TENM2: variants seen among roughly 807,000 people sequenced by gnomAD.
TENM2 encodes the protein teneurin transmembrane protein 2, also known as teneurin-2.
Under a neutral mutation model 245.2 loss-of-function variants are expected in TENM2, and 52 were observed. The observed-to-expected ratio is 0.21, with a 90% CI of 0.17 to 0.27. The LOEUF (loss-of-function observed/expected upper bound fraction) is 0.27, where lower values mean the gene tolerates loss of function less well. TENM2 is among the 10% of genes least tolerant of loss of function. The pLI, the probability that TENM2 is intolerant of heterozygous loss-of-function variation, is 1.00. For missense variants in TENM2, 3,046 were observed against 3,666.8 expected, an observed-to-expected ratio of 0.83 and a Z score of 4.37; for synonymous variants, 1,363 against 1,438.9, an observed-to-expected ratio of 0.95 and a Z score of 1.19.
chr5:167,032,166 T>A, the TENM2 span, among the ~76,000 whole-genome samples: 3 of 152,180 alleles, frequency 2.0e-5, no homozygotes, highest in Non-Finnish European at 4.4e-5. Flanking sequence ...TATAGCTAAT[T>A]TCAAGAATTT....
intron 2 of TENM2, among the ~76,000 whole-genome samples, chr5:167,386,290 G>A (rs1561914302): frequency 6.6e-6 from 1 of 152,068 alleles, no homozygotes; most frequent in African/African-American, 2.4e-5. Flanking sequence ...TTTTTCATAT[G>A]TTTGTTGGCC....
chr5:168,139,049 A>G (rs1291504218), intron 12 of TENM2, among the ~76,000 whole-genome samples: 2 of 152,222 alleles, frequency 1.3e-5, no homozygotes, highest in Non-Finnish European at 2.9e-5. Context: ...TTAATTTTTC[A>G]ACATTGTCCT....
At chr5:168,174,608 C>G (rs1452376060) in intron 13 of TENM2, among the ~76,000 whole-genome samples, 1 of 152,176 alleles carries the variant, frequency 6.6e-6, no homozygotes, top group Non-Finnish European at 1.5e-5. Flanking sequence ...GATGCTGTTG[C>G]GTTGAGAACC....
intron 2 of TENM2, among the ~76,000 whole-genome samples, chr5:167,387,496 TGGATACC>T (rs1312540905): frequency 2.0e-5 from 3 of 152,154 alleles, no homozygotes; most frequent in Non-Finnish European, 4.4e-5. Context: ...TTTACTGATT[TGGATACC>T]CTTTATTTCT....
intron 2 of TENM2, among the ~76,000 whole-genome samples, chr5:167,746,926 C>T (rs776542730): frequency 5.9e-5 from 9 of 152,080 alleles, no homozygotes; most frequent in Non-Finnish European, 1.2e-4. Context: ...TTATTAAACA[C>T]CTAGTTGCAG....
chr5:167,619,328 TACTA>T (rs1208341925), intron 2 of TENM2, among the ~76,000 whole-genome samples: 3 of 152,170 alleles, frequency 2.0e-5, no homozygotes, highest in African/African-American at 7.2e-5. Flanking sequence ...GATCTTTCTT[TACTA>T]ACTACCAAGT....
chr5:167,007,606 CAT>C, the TENM2 span, among the ~76,000 whole-genome samples: 7 of 152,252 alleles, frequency 4.6e-5, no homozygotes, highest in Admixed American at 3.3e-4. The surrounding 1 kb of genome is among the most constrained non-coding windows in gnomAD (Gnocchi z 4.2). Flanking sequence ...GGCTTGAACA[CAT>C]AAATAATTAA....
chr5:167,206,752 A>C, the TENM2 span, among the ~76,000 whole-genome samples: 4 of 152,196 alleles, frequency 2.6e-5, no homozygotes. Context: ...TTCAGTAGTA[A>C]ATAAATGTCT....
exon 29 of TENM2, chr5:168,262,367 G>C (rs371080627): frequency 1.9e-6 from 3 of 1,603,308 alleles, no homozygotes; most frequent in Non-Finnish European, 2.6e-6. Flanking sequence ...TGGCTCAGCC[G>C]ATGGCGACCT....
At chr5:167,139,189 A>T in the TENM2 span, among the ~76,000 whole-genome samples, 1 of 152,152 alleles carries the variant, frequency 6.6e-6, no homozygotes, top group Admixed American at 6.5e-5. Context: ...CTGTACACGT[A>T]TGGCCAAATT....
chr5:168,017,443 A>G (rs1005258315), intron 5 of TENM2, among the ~76,000 whole-genome samples: 1 of 152,200 alleles, frequency 6.6e-6, no homozygotes, highest in Non-Finnish European at 1.5e-5. Context: ...GTGACAGACC[A>G]TTGAGAAGTG....
chr5:167,830,992 C>T (rs1176915372), intron 2 of TENM2, among the ~76,000 whole-genome samples: 1 of 152,132 alleles, frequency 6.6e-6, no homozygotes, highest in African/African-American at 2.4e-5. Context: ...TGAAATATCT[C>T]ATTTCACCTC....
intron 1 of TENM2, among the ~76,000 whole-genome samples, chr5:167,362,129 A>T (rs1227772663): frequency 6.6e-6 from 1 of 152,192 alleles, no homozygotes; most frequent in African/African-American, 2.4e-5. Flanking sequence ...AACCTACGAC[A>T]TGTGTTTGGA....
intron 2 of TENM2, among the ~76,000 whole-genome samples, chr5:167,572,477 G>A (rs1337975928): frequency 1.3e-5 from 2 of 152,106 alleles, no homozygotes; most frequent in Non-Finnish European, 2.9e-5. Flanking sequence ...GCTTAATTTC[G>A]AAGAGATGGC....
At chr5:167,625,868 G>T (rs1778466767) in intron 2 of TENM2, among the ~76,000 whole-genome samples, 1 of 152,142 alleles carries the variant, frequency 6.6e-6, no homozygotes, top group African/African-American at 2.4e-5. Context: ...GTTGATGTTG[G>T]CTGTTGGCAG....
chr5:167,897,773 T>C (rs1421979861), intron 3 of TENM2, among the ~76,000 whole-genome samples: 2 of 151,994 alleles, frequency 1.3e-5, no homozygotes, highest in Non-Finnish European at 2.9e-5. Flanking sequence ...TACAGATATA[T>C]AGATATATAG....
intron 5 of TENM2, among the ~76,000 whole-genome samples, chr5:168,028,644 T>C (rs1786832386): frequency 6.6e-6 from 1 of 152,114 alleles, no homozygotes. Flanking sequence ...CCAAATATTG[T>C]GTGGGAAATT....
chr5:167,081,366 C>A, the TENM2 span, among the ~76,000 whole-genome samples: 32 of 152,200 alleles, frequency 2.1e-4, 3 homozygotes, highest in Middle Eastern at 3.4e-3. Context: ...AAAAATTAAT[C>A]TACTGAGTGT....
At chr5:167,348,766 TAAA>T in intron 1 of TENM2, among the ~76,000 whole-genome samples, 1 of 152,312 alleles carries the variant, frequency 6.6e-6, no homozygotes, top group East Asian at 1.9e-4. Flanking sequence ...TTTCAGCCAC[TAAA>T]ATTGGCAATG....
Sources: gnomAD v4.1 joint callset for allele counts (sites outside exome capture counted in the v4.1 genomes callset) on GRCh38, gnomAD v4.1.1 for gene constraint, Gnocchi (gnomAD v3.1) non-coding constraint, MANE v1.5 for transcripts, NCBI Gene and HGNC (gene_info 2026-07-23, HGNC 2026-07-21) for gene names.